The following LSAMP variants were observed in gnomAD, a reference collection of about 807,000 sequenced individuals.
LSAMP encodes limbic system associated membrane protein, also known as limbic system-associated membrane protein.
In LSAMP, 7 loss-of-function variants were observed where a neutral mutation model predicts 38.6. The ratio of observed to expected loss-of-function variants is 0.18; its 90% CI spans 0.10 to 0.34. The LOEUF (loss-of-function observed/expected upper bound fraction) is 0.34, where lower values mean the gene tolerates loss of function less well. Ranked by LOEUF, LSAMP falls within the 10% of genes least tolerant of loss-of-function variation. LSAMP has a pLI of 1.00. For missense variants in LSAMP, 313 were observed against 420.0 expected (o/e 0.75, Z 2.23); for synonymous variants, 154 against 166.8 (o/e 0.92, Z 0.59).
intron 1 of LSAMP, among the ~76,000 whole-genome samples, chr3:116,230,709 C>G (rs1202726640): frequency 6.6e-6 from 1 of 152,106 alleles, no homozygotes; most frequent in Admixed American, 6.5e-5. Flanking sequence ...TGCCTCAGCT[C>G]CTTGGAACCC....
intron 1 of LSAMP, among the ~76,000 whole-genome samples, chr3:116,434,993 T>A (rs1356145349): frequency 6.6e-6 from 1 of 152,186 alleles, no homozygotes; most frequent in Non-Finnish European, 1.5e-5. Context: ...CTAAGTAGAC[T>A]GAAGATGTGA....
rs187322303 is a variant in LSAMP, at chr3:116,190,552, A to C, written c.156-103996T>G. Among the ~76,000 whole-genome samples, 405 of 152,290 alleles carry C rather than the reference A, an allele frequency of 2.7e-3. 1 individual carries two copies. The highest frequency in any genetic ancestry group is 3.3e-3 in the Non-Finnish European group (225 of 68,026). ...TAATGGGAATAAACAGGACTGGCCT[A>C]TTCACTTTTTTACAACACTGGCTTC... On this transcript the variant is annotated intron_variant, in intron 1 of 6. Coordinates refer to ENST00000490035, the MANE Select transcript of LSAMP (RefSeq NM_002338.5).
intron 3 of LSAMP, among the ~76,000 whole-genome samples, chr3:115,933,302 A>C (rs1377420400): frequency 1.3e-5 from 2 of 152,176 alleles, no homozygotes; most frequent in African/African-American, 4.8e-5. Context: ...GATTTGAAAG[A>C]CTGGTTGGAA....
At chr3:116,000,040 C>A (rs1182823079) in intron 3 of LSAMP, among the ~76,000 whole-genome samples, 1 of 152,030 alleles carries the variant, frequency 6.6e-6, no homozygotes, top group Non-Finnish European at 1.5e-5. Flanking sequence ...TGGGAAGAGA[C>A]AACAAAGAAG....
intron 2 of LSAMP, among the ~76,000 whole-genome samples, chr3:116,023,178 C>A (rs9838885): frequency 0.19 from 27,652 of 143,296 alleles, 4,399 homozygotes; most frequent in African/African-American, 0.44. Context: ...CTCTCTCTCT[C>A]TATATATATA....
chr3:116,153,081 CTATATT>C (rs1488954549), intron 1 of LSAMP, among the ~76,000 whole-genome samples: 1 of 151,976 alleles, frequency 6.6e-6, no homozygotes, highest in African/African-American at 2.4e-5. Context: ...TCAAAAATAT[CTATATT>C]AAGAATATAC....
At chr3:116,201,691 T>C (rs1204120263) in intron 1 of LSAMP, among the ~76,000 whole-genome samples, 1 of 152,212 alleles carries the variant, frequency 6.6e-6, no homozygotes, top group African/African-American at 2.4e-5. Flanking sequence ...CTGTGTTTCA[T>C]AGCCACTCAT....
At chr3:116,376,381 C>T (rs2048493207) in intron 1 of LSAMP, among the ~76,000 whole-genome samples, 1 of 151,976 alleles carries the variant, frequency 6.6e-6, no homozygotes, top group Non-Finnish European at 1.5e-5. Context: ...ATTTTACTTT[C>T]ACAGGCCATA....
chr3:116,426,424 G>A (rs796616789), intron 1 of LSAMP, among the ~76,000 whole-genome samples: 15 of 135,844 alleles, frequency 1.1e-4, no homozygotes, highest in African/African-American at 3.9e-4. Context: ...TCACGCCACT[G>A]CACTCCAGCC....
intron 1 of LSAMP, among the ~76,000 whole-genome samples, chr3:116,246,455 T>C (rs2046606907): frequency 6.6e-6 from 1 of 152,178 alleles, no homozygotes; most frequent in African/African-American, 2.4e-5. Context: ...ATTTAAAATC[T>C]CCTACCTTTT....
chr3:116,213,009 C>T (rs2046178593), intron 1 of LSAMP, among the ~76,000 whole-genome samples: 1 of 152,146 alleles, frequency 6.6e-6, no homozygotes, highest in East Asian at 1.9e-4. Context: ...TCACTTTGTA[C>T]TGTGTGCATT....
rs112283385 is a variant in LSAMP at position 116,108,352 on chromosome 3, G to A, written c.156-21796C>T. On this transcript the variant is annotated intron_variant, in intron 1 of 6. Coordinates refer to ENST00000490035, the MANE Select transcript of LSAMP (RefSeq NM_002338.5). Reference sequence around the variant, plus strand: ...GAGTGCTTAAAAGAGTACTGTCTAAGTTGGCTCCACAGTTGGGGAGTTTTA... The same window carrying A: ...GAGTGCTTAAAAGAGTACTGTCTAAATTGGCTCCACAGTTGGGGAGTTTTA... Among the ~76,000 whole-genome samples, 760 of 152,242 alleles carry A rather than the reference G, an allele frequency of 5.0e-3. 4 individuals carry two copies. Among genetic ancestry groups the A allele is most frequent in the Non-Finnish European group, 8.6e-3 (587 of 68,002 alleles).
intron 1 of LSAMP, among the ~76,000 whole-genome samples, chr3:116,356,301 G>GT (rs1435054059): frequency 6.6e-6 from 1 of 152,200 alleles, no homozygotes; most frequent in Non-Finnish European, 1.5e-5. Context: ...GAAAGACATT[G>GT]TTAAGTGAAG....
At chr3:115,810,894 G>T (rs938573294) in intron 6 of LSAMP, among the ~76,000 whole-genome samples, 3 of 152,156 alleles carry the variant, frequency 2.0e-5, no homozygotes. Context: ...TCCCCGGGGG[G>T]AGGCAGTAAT....
intron 1 of LSAMP, among the ~76,000 whole-genome samples, chr3:116,195,622 A>T (rs1710863879): frequency 6.6e-6 from 1 of 152,076 alleles, no homozygotes; most frequent in Non-Finnish European, 1.5e-5. Flanking sequence ...GAAATAGCAC[A>T]TACTTAGTCA....
chr3:115,995,812 A>T (rs1047665148), intron 3 of LSAMP, among the ~76,000 whole-genome samples: 2 of 152,124 alleles, frequency 1.3e-5, no homozygotes, highest in African/African-American at 4.8e-5. Context: ...TTGGAAAATT[A>T]ATGGACATTT....
At chr3:116,424,374 C>T (rs1379398063) in intron 1 of LSAMP, among the ~76,000 whole-genome samples, 1 of 152,106 alleles carries the variant, frequency 6.6e-6, no homozygotes, top group Non-Finnish European at 1.5e-5. Context: ...GAAATATTTC[C>T]ATTTCATTCC....
At chr3:115,870,488 G>T (rs1270652376) in intron 3 of LSAMP, among the ~76,000 whole-genome samples, 3 of 152,160 alleles carry the variant, frequency 2.0e-5, no homozygotes, top group African/African-American at 7.2e-5. Flanking sequence ...TAGGGCTGTG[G>T]CTCCCAAAGT....
chr3:116,341,052 TG>T (rs1255025559), intron 1 of LSAMP, among the ~76,000 whole-genome samples: 1 of 152,048 alleles, frequency 6.6e-6, no homozygotes, highest in Admixed American at 6.6e-5. Context: ...TGGATCCAGA[TG>T]GCTTCCATAT....
Sources: allele counts gnomAD v4.1 joint callset (sites outside exome capture counted in the v4.1 genomes callset), GRCh38; gene constraint gnomAD v4.1.1; transcripts MANE v1.5; gene names NCBI Gene and HGNC (gene_info 2026-07-23, HGNC 2026-07-21).